BTBD1: variants seen among roughly 807,000 people sequenced by gnomAD.
The protein encoded by BTBD1 is BTB/POZ domain-containing protein 1.
Under a neutral mutation model 48.0 loss-of-function variants are expected in BTBD1, and 34 were observed. The ratio of observed to expected loss-of-function variants is 0.71; its 90% confidence interval spans 0.54 to 0.94. The LOEUF is 0.94. BTBD1 is among the 40% of genes least tolerant of loss of function. BTBD1 has a pLI of 0.00. For synonymous variants in BTBD1, 261 were observed against 242.1 expected, an observed-to-expected ratio of 1.08 and a Z score of -0.72; for missense variants, 543 against 625.6, an observed-to-expected ratio of 0.87 and a Z score of 1.41.
At chr15:83,056,851 T>C (rs2033095249) in intron 1 of BTBD1, among the ~76,000 whole-genome samples, 1 of 151,792 alleles carries the variant, frequency 6.6e-6, no homozygotes, top group African/African-American at 2.4e-5. Context: ...GTTTGCACTA[T>C]CACACCTGGC....
At chr15:83,047,477 C>G (rs962916631) in intron 3 of BTBD1, among the ~76,000 whole-genome samples, 10 of 152,128 alleles carry the variant, frequency 6.6e-5, no homozygotes, top group Non-Finnish European at 1.5e-4. Flanking sequence ...ACCTATTTAC[C>G]AAAGATGTTT....
intron 3 of BTBD1, among the ~76,000 whole-genome samples, chr15:83,042,350 A>ATATATATATATATATATG (rs2032779552): frequency 1.4e-5 from 1 of 72,560 alleles, no homozygotes; most frequent in African/African-American, 6.4e-5. Flanking sequence ...AGGCAATTTT[A>ATATATATATATATATATG]TATATATATA....
intron 2 of BTBD1, among the ~76,000 whole-genome samples, chr15:83,054,354 G>GA (rs374388450): frequency 6.6e-6 from 1 of 151,466 alleles, no homozygotes; most frequent in Non-Finnish European, 1.5e-5. Context: ...AGAGAAAAAA[G>GA]AAAAAAAGGG....
At chr15:83,044,703 G>A (rs970113507) in intron 3 of BTBD1, 1 of 1,476,480 alleles carries the variant, frequency 6.8e-7, no homozygotes, top group Non-Finnish European at 9.4e-7. Context: ...ACTGAAAGAT[G>A]GGAAATTAGT....
intron 3 of BTBD1, among the ~76,000 whole-genome samples, chr15:83,045,788 T>C (rs2032867163): frequency 6.6e-6 from 1 of 152,040 alleles, no homozygotes; most frequent in South Asian, 2.1e-4. Flanking sequence ...ACACAACCAT[T>C]TGATGGAAAA....
chr15:83,027,505 A>G (rs2032432378), intron 5 of BTBD1, among the ~76,000 whole-genome samples: 1 of 152,202 alleles, frequency 6.6e-6, no homozygotes, highest in Admixed American at 6.5e-5. Flanking sequence ...AACCTGCCCA[A>G]GAGCCAGAGT....
Position 83,041,863 on chromosome 15 carries a change from C to A in BTBD1, c.727G>T (p.Ala243Ser). The A allele has an allele frequency of 6.2e-7, 1 of 1,614,160 alleles. No homozygotes were observed. The highest frequency in any genetic ancestry group is 8.5e-7 in the Non-Finnish European group (1 of 1,180,038). The stretch of plus-strand genomic sequence containing the variant: ...TCTGCTTCTGCCCAGCGTACAACAG[C>A]TCCAAAAAGTCGACTTTCTCGAATA... ...LSIRESRLFG[A>S]VVRWAEAECQ... Residue 243 changes from alanine to serine, a missense_variant, in exon 4 of 8, where the codon GCT (alanine) becomes TCT (serine). By Grantham distance (99) the Ala-to-Ser change is moderately conservative. Coordinates refer to ENST00000261721, the MANE Select transcript of BTBD1 (RefSeq NM_025238.4).
intron 4 of BTBD1, among the ~76,000 whole-genome samples, chr15:83,035,673 A>G (rs2032612045): frequency 6.6e-6 from 1 of 152,090 alleles, no homozygotes; most frequent in Non-Finnish European, 1.5e-5. Flanking sequence ...CTAATAAAAT[A>G]AATAACCCCA....
chr15:83,028,854 C>T (rs2032460786), intron 5 of BTBD1: 2 of 151,988 alleles, frequency 1.3e-5, no homozygotes, highest in African/African-American at 4.8e-5. Flanking sequence ...TGTTTATTAC[C>T]TTTGCCAGAG....
chr15:83,026,279 C>T (rs184126404), intron 5 of BTBD1, among the ~76,000 whole-genome samples: 120 of 152,020 alleles, frequency 7.9e-4, no homozygotes, highest in African/African-American at 2.8e-3. Context: ...CTAGGTGGAC[C>T]AGTTGTTCTC....
intron 5 of BTBD1, among the ~76,000 whole-genome samples, chr15:83,027,611 A>G (rs72755962): frequency 0.047 from 7,173 of 152,308 alleles, 236 homozygotes; most frequent in Non-Finnish European, 0.072. Flanking sequence ...CCACAGCTGG[A>G]AACGTGCTGG....
At chr15:83,032,270 G>A (rs914809327) in intron 4 of BTBD1, among the ~76,000 whole-genome samples, 5 of 151,796 alleles carry the variant, frequency 3.3e-5, no homozygotes, top group Admixed American at 6.6e-5. Context: ...ACAGTGAGCC[G>A]AGATCGCACT....
At chr15:83,066,692 CTCCCAGCCCGGCCCGGCCCG>C (rs2033279038) in intron 1 of BTBD1, 39 bp downstream of exon 1, 1 of 1,234,542 alleles carries the variant, frequency 8.1e-7, no homozygotes, top group Admixed American at 5.4e-5. Flanking sequence ...CCCCGGGGAT[CTCCCAGCCCGGCCCGGCCCG>C]GCCCGGCCCG....
intron 4 of BTBD1, 181 bp from the exon 5 acceptor site, chr15:83,030,509 C>G (rs1460774483): frequency 1.8e-6 from 1 of 562,534 alleles, no homozygotes; most frequent in African/African-American, 1.9e-5. Context: ...AGGTTAAACA[C>G]ATTAATTAAA....
intron 6 of BTBD1, 30 bp downstream of exon 6, chr15:83,020,645 A>G (rs2151298874): frequency 7.3e-7 from 1 of 1,369,226 alleles, no homozygotes; most frequent in South Asian, 1.3e-5. Context: ...GTTATTTCAA[A>G]ATGATATATG....
chr15:83,021,767 A>AATT (rs974933061), intron 5 of BTBD1, among the ~76,000 whole-genome samples: 10 of 148,378 alleles, frequency 6.7e-5, no homozygotes, highest in Admixed American at 2.7e-4. Flanking sequence ...TAATAATAAT[A>AATT]ATACATATGG....
intron 2 of BTBD1, among the ~76,000 whole-genome samples, chr15:83,054,268 G>A (rs1018719684): frequency 3.3e-5 from 5 of 152,162 alleles, no homozygotes; most frequent in African/African-American, 4.8e-5. Flanking sequence ...AACCCAAGAG[G>A]TGGAGGTTGC....
chr15:83,034,871 G>A (rs1476146881), intron 4 of BTBD1, among the ~76,000 whole-genome samples: 2 of 152,160 alleles, frequency 1.3e-5, no homozygotes, highest in Non-Finnish European at 2.9e-5. Flanking sequence ...AAAATTTGAA[G>A]ATCATTAGTA....
chr15:83,046,257 T>G (rs1241012847), intron 3 of BTBD1, among the ~76,000 whole-genome samples: 2 of 152,022 alleles, frequency 1.3e-5, no homozygotes, highest in African/African-American at 4.8e-5. Context: ...ATAATAATAA[T>G]AACTGATAAA....
Sources: allele counts gnomAD v4.1 joint callset (sites outside exome capture counted in the v4.1 genomes callset), GRCh38; gene constraint gnomAD v4.1.1; transcripts MANE v1.5; gene names NCBI Gene and HGNC (gene_info 2026-07-23, HGNC 2026-07-21).